Variants in LPP observed in about 807,000 individuals in gnomAD.
The protein encoded by LPP is lipoma-preferred partner.
A neutral mutation model predicts 60.4 loss-of-function variants in LPP; 38 were observed. The ratio of observed to expected loss-of-function variants is 0.63; its 90% confidence interval spans 0.49 to 0.83. The LOEUF is 0.83. Among genes scored for constraint, LPP ranks in the 40% least tolerant of loss-of-function variants. The pLI is 0.00. For missense variants in LPP, 902 were observed against 783.6 expected (o/e 1.15, Z -1.80); for synonymous variants, 328 against 290.8 (o/e 1.13, Z -1.30).
rs1450402388 is a variant in LPP, at chr3:188,884,872, G to A, written c.*10393G>A. ...TAGAGCCGATCCATGAGCTAACAAT[G>A]TCTGAAAACAAATGTTATGGAACTG... On this transcript the variant is annotated 3_prime_UTR_variant, in exon 12 of 12. Coordinates refer to ENST00000617246, the MANE Select transcript of LPP (RefSeq NM_001375462.1). 3 of 224,940 alleles carry A rather than the reference G, an allele frequency of 1.3e-5. No individual in the cohort carries two copies. Among genetic ancestry groups the A allele is most frequent in the Middle Eastern group, 1.3e-3 (1 of 774 alleles). The allele number at this position is 224,940 out of a possible 1,614,324, so 13.9% of individuals were successfully genotyped here.
chr3:188,812,800 C>T (rs1751408915), intron 9 of LPP, among the ~76,000 whole-genome samples: 1 of 151,570 alleles, frequency 6.6e-6, no homozygotes, highest in South Asian at 2.1e-4. Context: ...TCTCTCGCTG[C>T]AGCTTTCTGT....
At chr3:188,278,867 C>G (rs764152673) in intron 2 of LPP, among the ~76,000 whole-genome samples, 1 of 152,122 alleles carries the variant, frequency 6.6e-6, no homozygotes, top group Non-Finnish European at 1.5e-5. Context: ...GCATCACGCT[C>G]TCCAGGGAAC....
At chr3:188,298,558 G>T (rs145064072) in intron 2 of LPP, among the ~76,000 whole-genome samples, 2 of 152,152 alleles carry the variant, frequency 1.3e-5, no homozygotes, top group South Asian at 2.1e-4. Context: ...CACACTTCTC[G>T]TGAGGCGCTT....
intron 3 of LPP, among the ~76,000 whole-genome samples, chr3:188,385,254 A>G (rs1209566727): frequency 2.0e-5 from 3 of 152,018 alleles, no homozygotes; most frequent in African/African-American, 7.2e-5. Context: ...TGGACCAGAG[A>G]TATTTATGAA....
intron 6 of LPP, among the ~76,000 whole-genome samples, chr3:188,558,959 T>C (rs907991419): frequency 2.0e-5 from 3 of 152,134 alleles, no homozygotes. Context: ...AGATCTTGAC[T>C]TTTTTGTATC....
intron 7 of LPP, among the ~76,000 whole-genome samples, chr3:188,658,690 G>A (rs1188700612): frequency 6.6e-6 from 1 of 152,192 alleles, no homozygotes; most frequent in East Asian, 1.9e-4. Flanking sequence ...ATGTTTGACT[G>A]TTTAGAGCTT....
intron 9 of LPP, among the ~76,000 whole-genome samples, chr3:188,768,444 C>T (rs1734825778): frequency 6.6e-6 from 1 of 152,068 alleles, no homozygotes; most frequent in Admixed American, 6.6e-5. Flanking sequence ...CCAGTTATTC[C>T]ATATTCAGTG....
rs145261647 is a variant in LPP, at chr3:188,677,935, T to C, written c.1114-30332T>C. 6.8e-4 allele frequency among the ~76,000 whole-genome samples: 104 copies of C among 152,252 alleles called. No homozygotes were observed. The East Asian group carries it at 8.5e-3, about 12-fold the overall frequency. On this transcript the variant is annotated intron_variant, in intron 7 of 11. Transcript: ENST00000617246. The stretch of plus-strand genomic sequence containing the variant: ...ATTTGGAAATGACAGAGGACGCTGA[T>C]ACTTGAAATCAAACTGTAGCCCTGG...
At chr3:188,187,454 A>T (rs1302457955) in intron 1 of LPP, among the ~76,000 whole-genome samples, 1 of 152,048 alleles carries the variant, frequency 6.6e-6, no homozygotes, top group Non-Finnish European at 1.5e-5. Context: ...GTAAATAGAT[A>T]ATAAATAAGC....
intron 2 of LPP, among the ~76,000 whole-genome samples, chr3:188,322,520 A>G (rs1757240462): frequency 6.6e-6 from 1 of 152,214 alleles, no homozygotes; most frequent in Non-Finnish European, 1.5e-5. Flanking sequence ...TATAGAATCT[A>G]TGATGGCTTA....
intron 2 of LPP, among the ~76,000 whole-genome samples, chr3:188,304,718 C>T (rs1311442792): frequency 6.6e-6 from 1 of 152,130 alleles, no homozygotes; most frequent in East Asian, 1.9e-4. Flanking sequence ...AGCATCTTTT[C>T]TTTTCCCATG....
chr3:188,611,813 T>C (rs947586600), intron 7 of LPP, among the ~76,000 whole-genome samples: 2 of 152,202 alleles, frequency 1.3e-5, no homozygotes, highest in Non-Finnish European at 2.9e-5. Flanking sequence ...CACTGGGCAC[T>C]CTGGCCAGCC....
At chr3:188,507,134 A>T (rs764627537) in intron 5 of LPP, among the ~76,000 whole-genome samples, 6 of 152,160 alleles carry the variant, frequency 3.9e-5, no homozygotes, top group Admixed American at 6.5e-5. Flanking sequence ...TAGAATAGCT[A>T]CTTGATTGAT....
intron 6 of LPP, among the ~76,000 whole-genome samples, chr3:188,599,987 T>C (rs1468439659): frequency 1.3e-5 from 2 of 151,928 alleles, no homozygotes; most frequent in Non-Finnish European, 2.9e-5. Context: ...TTCTTTAATG[T>C]GGAAAATAAA....
chr3:188,384,524 G>A (rs1578500703), intron 3 of LPP, among the ~76,000 whole-genome samples: 2 of 152,122 alleles, frequency 1.3e-5, no homozygotes, highest in East Asian at 3.9e-4. Context: ...GGGCGCAGTG[G>A]CTCACGCCTG....
chr3:188,382,230 G>T (rs952842163), intron 3 of LPP, among the ~76,000 whole-genome samples: 4 of 152,114 alleles, frequency 2.6e-5, no homozygotes, highest in Non-Finnish European at 5.9e-5. Context: ...CAGAATTCTT[G>T]TAAGTCTACT....
chr3:188,481,611 C>G (rs188597829), intron 4 of LPP, among the ~76,000 whole-genome samples: 20 of 152,254 alleles, frequency 1.3e-4, no homozygotes, highest in Middle Eastern at 3.4e-3. Flanking sequence ...GACAGTTGTA[C>G]TTTTTAAGAC....
intron 6 of LPP, among the ~76,000 whole-genome samples, chr3:188,580,481 T>G (rs1167851702): frequency 6.6e-6 from 1 of 152,184 alleles, no homozygotes; most frequent in Non-Finnish European, 1.5e-5. Flanking sequence ...GGCTGACACC[T>G]TCTAAAGGAT....
chr3:188,271,990 T>C (rs1194420008), intron 2 of LPP, among the ~76,000 whole-genome samples: 4 of 152,124 alleles, frequency 2.6e-5, no homozygotes, highest in Non-Finnish European at 5.9e-5. Context: ...TCCTTGCTGC[T>C]TGTGGTCCCT....
Sources: allele counts gnomAD v4.1 joint callset (sites outside exome capture counted in the v4.1 genomes callset), GRCh38; gene constraint gnomAD v4.1.1; transcripts MANE v1.5; gene names NCBI Gene and HGNC (gene_info 2026-07-23, HGNC 2026-07-21).